The following HERC3 variants were observed in gnomAD, a reference collection of about 807,000 sequenced individuals.
HERC3 encodes the protein probable E3 ubiquitin-protein ligase HERC3.
A neutral mutation model predicts 129.9 loss-of-function variants in HERC3; 58 were observed. The ratio of observed to expected loss-of-function variants is 0.45; its 90% CI spans 0.36 to 0.56. The LOEUF (loss-of-function observed/expected upper bound fraction) is 0.56, where lower values mean the gene tolerates loss of function less well. Among genes scored for constraint, HERC3 ranks in the 20% least tolerant of loss-of-function variants. The pLI, the probability that HERC3 is intolerant of heterozygous loss-of-function variation, is 0.00. For missense variants in HERC3, 835 were observed against 1,244.2 expected (o/e 0.67, Z 4.95); for synonymous variants, 430 against 451.0 (o/e 0.95, Z 0.59).
chr4:88,697,445 C>A, intron 23 of HERC3: 2 of 1,614,102 alleles, frequency 1.2e-6, no homozygotes, highest in Non-Finnish European at 1.7e-6. Flanking sequence ...TTTTCCAGAG[C>A]CTGAAATTCC....
chr4:88,640,340 A>G (rs745350488), intron 3 of HERC3, among the ~76,000 whole-genome samples: 2 of 152,230 alleles, frequency 1.3e-5, no homozygotes. Context: ...CCCATCAATG[A>G]TAGACTGGAA....
At chr4:88,654,383 T>TAC (rs1468574830) in intron 7 of HERC3, among the ~76,000 whole-genome samples, 13 of 103,636 alleles carry the variant, frequency 1.3e-4, no homozygotes, top group African/African-American at 4.3e-4. Context: ...TATATATATA[T>TAC]ATATACACAC....
At chr4:88,675,995 C>T (rs1732123486) in intron 16 of HERC3, among the ~76,000 whole-genome samples, 3 of 152,112 alleles carry the variant, frequency 2.0e-5, no homozygotes, top group Admixed American at 6.5e-5. Flanking sequence ...TGCCCTTTAA[C>T]GGTCATAAGA....
At chr4:88,542,072 C>A in the HERC3 span, among the ~76,000 whole-genome samples, 1 of 152,016 alleles carries the variant, frequency 6.6e-6, no homozygotes, top group Non-Finnish European at 1.5e-5. Context: ...CAAAAGCTAG[C>A]AGAAGGCAAG....
chr4:88,705,956 A>G (rs182582069), intron 25 of HERC3, among the ~76,000 whole-genome samples: 5 of 152,330 alleles, frequency 3.3e-5, no homozygotes, highest in East Asian at 1.9e-4. Context: ...GTAGTGGAAG[A>G]GCTGAATGAC....
intron 3 of HERC3, among the ~76,000 whole-genome samples, chr4:88,629,106 C>T (rs894643166): frequency 6.6e-6 from 1 of 152,128 alleles, no homozygotes; most frequent in African/African-American, 2.4e-5. Flanking sequence ...TGCAGTGAGC[C>T]GAGATTGTGC....
chr4:88,640,872 A>G (rs1050535849), intron 3 of HERC3, among the ~76,000 whole-genome samples: 9 of 152,208 alleles, frequency 5.9e-5, no homozygotes, highest in Non-Finnish European at 1.0e-4. Flanking sequence ...TAAAAATTAT[A>G]TTTGGAGACT....
the HERC3 span, among the ~76,000 whole-genome samples, chr4:88,546,382 G>C: frequency 6.6e-6 from 1 of 152,168 alleles, no homozygotes; most frequent in African/African-American, 2.4e-5. Context: ...GTAGGATAGT[G>C]CTATCTATAT....
At chr4:88,639,216 T>A (rs1173826091) in intron 3 of HERC3, among the ~76,000 whole-genome samples, 1 of 152,170 alleles carries the variant, frequency 6.6e-6, no homozygotes, top group Non-Finnish European at 1.5e-5. Flanking sequence ...ATAATTAAAA[T>A]TCTTCACAGA....
rs1001150382 is a variant in HERC3, at chr4:88,680,199, A to G, written c.2303A>G (p.Tyr768Cys). 5.0e-6 allele frequency: 8 copies of G among 1,610,820 alleles called. No homozygotes were observed. In the African/African-American group the frequency reaches 9.4e-5, roughly 19 times the overall value. Reference protein sequence around the residue: ...LLNPIYGMFTYYQDSNLLWFS... With the variant: ...LLNPIYGMFTCYQDSNLLWFS... ...AATCCCATCTATGGAATGTTTACCT[A>G]CTATCAAGATTCAAATCTCTTGTGG... The change falls in exon 20 of 26, where the codon TAC becomes TGC. Residue 768 changes from tyrosine (Y) to cysteine (C), a missense_variant. Coordinates refer to ENST00000402738, the MANE Select transcript of HERC3 (RefSeq NM_014606.3).
At chr4:88,706,384 T>C (rs1735780792) in intron 25 of HERC3, among the ~76,000 whole-genome samples, 2 of 152,124 alleles carry the variant, frequency 1.3e-5, no homozygotes, top group Non-Finnish European at 2.9e-5. Flanking sequence ...AGATCCTAAA[T>C]GGAATTCCGT....
chr4:88,591,244 G>C, upstream of HERC3, among the ~76,000 whole-genome samples: 1 of 152,268 alleles, frequency 6.6e-6, no homozygotes, highest in East Asian at 1.9e-4. Flanking sequence ...CAAAGGTTTG[G>C]ATTTTTTCTT....
At chr4:88,580,720 G>A in the HERC3 span, among the ~76,000 whole-genome samples, 1 of 152,164 alleles carries the variant, frequency 6.6e-6, no homozygotes, top group Admixed American at 6.5e-5. Flanking sequence ...ACATCCTTTA[G>A]TTACAGATGA....
chr4:88,580,914 A>G, the HERC3 span, among the ~76,000 whole-genome samples: 1 of 152,196 alleles, frequency 6.6e-6, no homozygotes, highest in African/African-American at 2.4e-5. Context: ...AGAATCCATG[A>G]ATACTCCTAG....
At chr4:88,609,938 C>T (rs916862663) in intron 3 of HERC3, among the ~76,000 whole-genome samples, 2 of 152,118 alleles carry the variant, frequency 1.3e-5, no homozygotes, top group African/African-American at 4.8e-5. Flanking sequence ...TTCATGCCTC[C>T]CCTTTTTAGA....
At chr4:88,673,480 T>C (rs1731827843) in intron 16 of HERC3, among the ~76,000 whole-genome samples, 1 of 152,212 alleles carries the variant, frequency 6.6e-6, no homozygotes, top group Admixed American at 6.5e-5. Flanking sequence ...TAGGTCACAG[T>C]GCAGCCCCGT....
At chr4:88,560,831 C>G in the HERC3 span, among the ~76,000 whole-genome samples, 1 of 152,182 alleles carries the variant, frequency 6.6e-6, no homozygotes, top group East Asian at 1.9e-4. Context: ...GCATCATCTA[C>G]TGAAGAGACT....
chr4:88,596,882 A>G (rs894954878), intron 2 of HERC3, among the ~76,000 whole-genome samples: 4 of 152,154 alleles, frequency 2.6e-5, no homozygotes, highest in African/African-American at 9.7e-5. Context: ...ATGATTCTTA[A>G]TCTCCAAATA....
chr4:88,627,248 A>G (rs891839971), intron 3 of HERC3, among the ~76,000 whole-genome samples: 1 of 152,096 alleles, frequency 6.6e-6, no homozygotes, highest in Non-Finnish European at 1.5e-5. Context: ...TTCTTTCATC[A>G]GAGTACAGTT....
Sources: gnomAD v4.1 joint callset for allele counts (sites outside exome capture counted in the v4.1 genomes callset) on GRCh38, gnomAD v4.1.1 for gene constraint, MANE v1.5 for transcripts, NCBI Gene and HGNC (gene_info 2026-07-23, HGNC 2026-07-21) for gene names.